NCOA7: variants seen among roughly 807,000 people sequenced by gnomAD.
The protein encoded by NCOA7 is 140 kDa estrogen receptor-associated protein.
NCOA7 carries 45 observed loss-of-function variants against 104.3 expected under a neutral mutation model. That is an observed-to-expected ratio of 0.43 (90% CI 0.34 to 0.55). NCOA7 has a LOEUF of 0.55. Among genes scored for constraint, NCOA7 ranks in the 20% least tolerant of loss-of-function variants. The probability of loss-of-function intolerance (pLI) is 0.02; values close to 1 mark genes in which losing one functional copy is unlikely to be tolerated. For missense variants in NCOA7, 1,041 were observed against 1,119.7 expected (o/e 0.93, Z 1.00); for synonymous variants, 398 against 402.3 (o/e 0.99, Z 0.13).
rs1787518498 is a variant in NCOA7, at chr6:125,920,951, T to C, written c.2253T>C (p.Thr751=). The part of the protein sequence containing the change: ...EPTTKSWEII[T]VEEAKRRKST... Reference sequence around the variant, plus strand: ...TTGTTTTCTCATTTCAGATCATCACTGTTGAAGAGGCAAAGCGCAGGAAGA... The same window carrying C: ...TTGTTTTCTCATTTCAGATCATCACCGTTGAAGAGGCAAAGCGCAGGAAGA... Residue 751 remains threonine, a synonymous_variant, in exon 12 of 16, where the codon ACT becomes ACC. Coordinates refer to ENST00000392477, the MANE Select transcript of NCOA7 (RefSeq NM_181782.5). 6.2e-7 allele frequency: 1 copy of C among 1,613,092 alleles called. No individual in the cohort carries two copies. The highest frequency in any genetic ancestry group is 1.3e-5 in the African/African-American group (1 of 74,886).
chr6:125,807,568 A>G (rs1776575283), intron 1 of NCOA7, among the ~76,000 whole-genome samples: 1 of 152,216 alleles, frequency 6.6e-6, no homozygotes, highest in Non-Finnish European at 1.5e-5. Flanking sequence ...GTACCTCACC[A>G]GTAAAACATC....
chr6:125,834,390 A>G (rs1779437749), intron 2 of NCOA7, among the ~76,000 whole-genome samples: 1 of 152,226 alleles, frequency 6.6e-6, no homozygotes, highest in African/African-American at 2.4e-5. Context: ...CATATGATCT[A>G]GATTCATTTA....
chr6:125,831,028 G>A (rs1306312755), intron 2 of NCOA7, among the ~76,000 whole-genome samples: 1 of 152,062 alleles, frequency 6.6e-6, no homozygotes, highest in Non-Finnish European at 1.5e-5. Context: ...CATGTGTTAT[G>A]TTCTTATCCA....
At chr6:125,822,265 G>T (rs1241099115) in intron 2 of NCOA7, among the ~76,000 whole-genome samples, 1 of 152,184 alleles carries the variant, frequency 6.6e-6, no homozygotes, top group Non-Finnish European at 1.5e-5. Flanking sequence ...AACGCAAATA[G>T]AACAGTTTTA....
chr6:125,908,630 T>A (rs570116768), intron 10 of NCOA7, among the ~76,000 whole-genome samples: 24 of 152,344 alleles, frequency 1.6e-4, no homozygotes, highest in African/African-American at 4.8e-4. Flanking sequence ...TCCTTCTCCC[T>A]GACCTACTAC....
At chr6:125,848,730 A>G (rs1011597268) in intron 2 of NCOA7, among the ~76,000 whole-genome samples, 25 of 152,158 alleles carry the variant, frequency 1.6e-4, no homozygotes, top group African/African-American at 5.3e-4. Context: ...GCAAACCAAC[A>G]TGGCACATGT....
At chr6:125,918,675 A>G (rs1787289683) in intron 11 of NCOA7, among the ~76,000 whole-genome samples, 1 of 152,240 alleles carries the variant, frequency 6.6e-6, no homozygotes, top group African/African-American at 2.4e-5. Flanking sequence ...ATGTAAAAAG[A>G]TAAGTATTAC....
intron 3 of NCOA7, among the ~76,000 whole-genome samples, chr6:125,858,948 T>C (rs1160448896): frequency 6.6e-6 from 1 of 152,144 alleles, no homozygotes; most frequent in Non-Finnish European, 1.5e-5. Context: ...CTGCTTTTGG[T>C]GGCTCTAGTC....
In NCOA7 at chr6:125,889,660, G is replaced by A. The variant is rs779960210; in HGVS notation, c.1606G>A (p.Val536Ile). The A allele has an allele frequency of 4.3e-6, 7 of 1,613,894 alleles. No homozygotes were observed. In the Admixed American group the frequency reaches 1.0e-4, roughly 23 times the overall value. The change falls in exon 9 of 16, where the codon GTA becomes ATA. Residue 536 changes from valine to isoleucine, a missense_variant. Coordinates refer to ENST00000392477, the MANE Select transcript of NCOA7 (RefSeq NM_181782.5). Reference protein sequence around the residue: ...YLTKNKEGPQVSENLQKTELS... With the variant: ...YLTKNKEGPQISENLQKTELS... ...GACTAAGAACAAAGAAGGGCCACAG[G>A]TATCTGAAAATTTGCAGAAAACAGA... is the stretch of plus-strand genomic sequence containing the variant.
intron 8 of NCOA7, among the ~76,000 whole-genome samples, chr6:125,888,473 C>G (rs1346037479): frequency 6.6e-6 from 1 of 152,098 alleles, no homozygotes; most frequent in African/African-American, 2.4e-5. Context: ...GCTACTAAGT[C>G]AACGAGCTTT....
intron 5 of NCOA7, 103 bp from the exon 6 acceptor site, chr6:125,880,987 C>T (rs1028190331): frequency 9.0e-6 from 7 of 774,806 alleles, no homozygotes; most frequent in Non-Finnish European, 1.1e-5. Context: ...AGGTCGTAAT[C>T]ATGCACTGAA....
At chr6:125,830,737 A>ATATATGTGTGTGTG (rs1453188613) in intron 2 of NCOA7, among the ~76,000 whole-genome samples, 1 of 93,046 alleles carries the variant, frequency 1.1e-5, no homozygotes, top group Non-Finnish European at 2.2e-5. Flanking sequence ...ATATATATAT[A>ATATATGTGTGTGTG]TGTGTGTGTG....
chr6:125,882,153 C>A (rs1783893993), intron 6 of NCOA7, among the ~76,000 whole-genome samples: 1 of 151,944 alleles, frequency 6.6e-6, no homozygotes, highest in Non-Finnish European at 1.5e-5. Flanking sequence ...CACACCCAGC[C>A]CATTTAGGTT....
At chr6:125,788,901 G>A (rs1310740644), upstream of NCOA7, among the ~76,000 whole-genome samples, 1 of 151,778 alleles carries the variant, frequency 6.6e-6, no homozygotes, top group Non-Finnish European at 1.5e-5. Context: ...TCAGTTATAG[G>A]TTTTTGTCTA....
In NCOA7 at chr6:125,855,005, T is replaced by C. The variant is rs1267736753; in HGVS notation, c.51-15T>C. 1 of 1,558,206 alleles carries C rather than the reference T, an allele frequency of 6.4e-7. No homozygotes were observed. The highest frequency in any genetic ancestry group is 1.4e-5 in the African/African-American group (1 of 72,378). On this transcript the variant is annotated splice_polypyrimidine_tract_variant and intron_variant, in intron 2 of 15. Coordinates refer to ENST00000392477, the MANE Select transcript of NCOA7 (RefSeq NM_181782.5). Reference sequence around the variant, plus strand: ...ATCTCTCCAATGTTTTTTCTTTTTTTTCCCTCTTTCCTAGACTGAAAAAGA... The same window carrying C: ...ATCTCTCCAATGTTTTTTCTTTTTTCTCCCTCTTTCCTAGACTGAAAAAGA...
intron 5 of NCOA7, among the ~76,000 whole-genome samples, chr6:125,880,719 A>T (rs1233497655): frequency 6.6e-6 from 1 of 151,858 alleles, no homozygotes; most frequent in Non-Finnish European, 1.5e-5. Flanking sequence ...TTTAGTAAAG[A>T]CAAGGTTTCA....
intron 1 of NCOA7, among the ~76,000 whole-genome samples, chr6:125,811,799 C>T (rs557399919): frequency 6.6e-6 from 1 of 152,120 alleles, no homozygotes; most frequent in Non-Finnish European, 1.5e-5. Context: ...AATGCAGTCC[C>T]GTTGGAGGTC....
intron 2 of NCOA7, among the ~76,000 whole-genome samples, chr6:125,845,682 G>A (rs187861240): frequency 1.3e-5 from 2 of 152,244 alleles, no homozygotes; most frequent in Admixed American, 6.5e-5. Context: ...CAGGAGAATC[G>A]TGTGAACCAG....
chr6:125,874,780 GTGTCTTTT>G, intron 3 of NCOA7, 101 bp from the exon 4 acceptor site: 1 of 728,552 alleles, frequency 1.4e-6, no homozygotes, highest in Non-Finnish European at 2.4e-6. Context: ...TTTCCTATTA[GTGTCTTTT>G]TGTCAGTTGA....
Sources: allele counts gnomAD v4.1 joint callset (sites outside exome capture counted in the v4.1 genomes callset), GRCh38; gene constraint gnomAD v4.1.1; transcripts MANE v1.5; gene names NCBI Gene and HGNC (gene_info 2026-07-23, HGNC 2026-07-21).